The following DHTKD1 variants were observed in gnomAD, a reference collection of about 807,000 sequenced individuals.
DHTKD1 encodes dehydrogenase E1 and transketolase domain containing 1.
In DHTKD1, 78 loss-of-function variants were observed where a neutral mutation model predicts 101.8. The observed-to-expected ratio is 0.77, with a 90% CI of 0.64 to 0.93. DHTKD1 has a LOEUF of 0.93. DHTKD1 is among the 40% of genes least tolerant of loss of function. The probability of loss-of-function intolerance (pLI) is 0.00; values close to 1 mark genes in which losing one functional copy is unlikely to be tolerated. For synonymous variants in DHTKD1, 462 were observed against 450.3 expected, an observed-to-expected ratio of 1.03 and a Z score of -0.33; for missense variants, 1,223 against 1,161.7, an observed-to-expected ratio of 1.05 and a Z score of -0.77.
chr10:12,108,119 A>G, intron 12 of DHTKD1, 104 bp downstream of exon 12: 2 of 744,236 alleles, frequency 2.7e-6, no homozygotes, highest in Non-Finnish European at 2.2e-6. Context: ...AACACAGCTT[A>G]GTATTTGAGT....
chr10:12,089,343 A>C, intron 5 of DHTKD1, 88 bp downstream of exon 5: 1 of 1,257,518 alleles, frequency 8.0e-7, no homozygotes, highest in Non-Finnish European at 1.1e-6. Context: ...CATGGCAGAC[A>C]TTCATGATGA....
intron 6 of DHTKD1, among the ~76,000 whole-genome samples, 194 bp downstream of exon 6, chr10:12,091,878 C>T (rs1043967935): frequency 6.6e-6 from 1 of 151,954 alleles, no homozygotes; most frequent in Non-Finnish European, 1.5e-5. Flanking sequence ...GATCTTGGCT[C>T]ACTGCAACTT....
Position 12,112,928 on chromosome 10 carries a change from A to C in DHTKD1, c.2183A>C (p.Asp728Ala). ...QMCDSAEEGV[D>A]GDTVNMFVVH... is the part of the protein sequence containing the mutation. ...TGTGACAGTGCGGAAGAGGGGGTGG[A>C]CGGAGACACTGTGAACATGTTTGTG... Residue 728 changes from aspartate (D) to alanine (A), a missense_variant, in exon 13 of 17, where the codon GAC (aspartate) becomes GCC (alanine). Physicochemically the swap from Asp to Ala is moderately radical, Grantham distance 126. Coordinates refer to ENST00000263035, the MANE Select transcript of DHTKD1 (RefSeq NM_018706.7). 1 of 1,611,542 alleles carries C rather than the reference A, an allele frequency of 6.2e-7. No homozygotes were observed. The highest frequency in any genetic ancestry group is 8.5e-7 in the Non-Finnish European group (1 of 1,178,964).
At chr10:12,106,150 C>A in intron 10 of DHTKD1, 96 bp from the exon 11 acceptor site, 2 of 1,258,272 alleles carry the variant, frequency 1.6e-6, no homozygotes, top group South Asian at 1.3e-5. Flanking sequence ...GAGCAAGGCT[C>A]CCTCTCCGCA....
intron 5 of DHTKD1, among the ~76,000 whole-genome samples, chr10:12,089,958 A>G (rs985831856): frequency 1.4e-5 from 2 of 143,232 alleles, no homozygotes; most frequent in Non-Finnish European, 3.0e-5. Context: ...GGCATGAGCC[A>G]CTATACCTAG....
At chr10:12,109,165 A>T (rs905861646) in intron 12 of DHTKD1, among the ~76,000 whole-genome samples, 20 of 152,000 alleles carry the variant, frequency 1.3e-4, no homozygotes, top group East Asian at 1.9e-4. Flanking sequence ...AAATAAATAA[A>T]TAAATAATAA....
rs1833528986 is a variant in DHTKD1 at position 12,121,636 on chromosome 10, TGTA to T, written c.*751_*753del. On this transcript the variant is annotated 3_prime_UTR_variant, in exon 17 of 17. Coordinates refer to ENST00000263035, the MANE Select transcript of DHTKD1 (RefSeq NM_018706.7). ...TTAGTTGGGTGTGGTGGCATGCGCT[TGTA>T]GTCTCAGCTACTCCGGAGGCTGAGG... 6.6e-6 allele frequency: 1 copy of T among 152,286 alleles called. No individual in the cohort carries two copies. The highest frequency in any genetic ancestry group is 1.5e-5 in the Non-Finnish European group (1 of 68,136). The allele number at this position is 152,286 out of a possible 1,614,324, so 9.4% of individuals were successfully genotyped here. A position where few individuals can be genotyped will look rare whatever the true frequency, so the allele number is the denominator to read the frequency against.
At chr10:12,076,877 C>T (rs571018307) in intron 1 of DHTKD1, among the ~76,000 whole-genome samples, 1 of 150,250 alleles carries the variant, frequency 6.7e-6, no homozygotes, top group South Asian at 2.1e-4. Flanking sequence ...AAGATAGTCT[C>T]GATCTCCTGA....
chr10:12,119,518 A>AG (rs1354815932), intron 15 of DHTKD1, among the ~76,000 whole-genome samples: 4 of 147,126 alleles, frequency 2.7e-5, no homozygotes, highest in African/African-American at 1.0e-4. Context: ...TGGGAGGCTG[A>AG]CGCAGGAGAA....
In DHTKD1 at chr10:12,106,267, G is replaced by A; in HGVS notation, c.1918G>A (p.Glu640Lys). ...TTAGGTCAGCAACAGCCCACTGTCA[G>A]AAGAGGCCGTCCTGGGATTTGAATA... ...FLEVSNSPLS[E>K]EAVLGFEYGM... Residue 640 changes from glutamate to lysine, a missense_variant, in exon 11 of 17, where the codon GAA (glutamate) becomes AAA (lysine). Transcript: ENST00000263035. 1 of 1,614,170 alleles carries A rather than the reference G, an allele frequency of 6.2e-7. No individual in the cohort carries two copies. Among genetic ancestry groups the A allele is most frequent in the Non-Finnish European group, 8.5e-7 (1 of 1,180,026 alleles).
In DHTKD1 at chr10:12,118,429, C is replaced by T. The variant is rs1209863403; in HGVS notation, c.2403-320C>T. On this transcript the variant is annotated intron_variant, in intron 14 of 16. Transcript: ENST00000263035. ...GTTGAGTCTTGCTCTGTCGCCCAGG[C>T]TGGAGTGCAGTGGCACGATCTTGGC... is the stretch of plus-strand genomic sequence containing the variant. Among the ~76,000 whole-genome samples the T allele has an allele frequency of 2.0e-5, 3 of 148,054 alleles. No homozygotes were observed. The South Asian group carries it at 6.4e-4, about 31-fold the overall frequency.
intron 14 of DHTKD1, 120 bp from the exon 15 acceptor site, chr10:12,118,629 G>T (rs533455249): frequency 8.5e-6 from 5 of 590,028 alleles, no homozygotes; most frequent in African/African-American, 5.6e-5. Flanking sequence ...TGATCCGCCC[G>T]CCTTGGCCTC....
At chr10:12,099,687 G>GA (rs1170709960) in intron 8 of DHTKD1, among the ~76,000 whole-genome samples, 1 of 150,964 alleles carries the variant, frequency 6.6e-6, no homozygotes, top group Non-Finnish European at 1.5e-5. Flanking sequence ...GACTGCCTCA[G>GA]AAAAAAATAA....
At chr10:12,119,150 C>G (rs1056471499) in intron 15 of DHTKD1, among the ~76,000 whole-genome samples, 2 of 148,566 alleles carry the variant, frequency 1.3e-5, no homozygotes, top group Admixed American at 6.7e-5. Context: ...ACTAAAAGTA[C>G]AAAAAATTAG....
intron 1 of DHTKD1, among the ~76,000 whole-genome samples, chr10:12,072,461 CAATAAATAAATAAATA>C (rs71382613): frequency 0.011 from 1,633 of 148,476 alleles, 36 homozygotes; most frequent in African/African-American, 0.038. Flanking sequence ...GACTCTGTCT[CAATAAATAAATAAATA>C]AATAAATAAA....
intron 12 of DHTKD1, among the ~76,000 whole-genome samples, chr10:12,112,543 C>T (rs577394100): frequency 1.3e-5 from 2 of 151,854 alleles, no homozygotes; most frequent in Admixed American, 1.3e-4. Context: ...CGTTTTATTA[C>T]ATTAGGAAAG....
chr10:12,100,240 C>T lies in DHTKD1; in HGVS notation c.1734C>T (p.Ala578=), dbSNP rs746290035. 1 of 1,549,436 alleles carries T rather than the reference C, an allele frequency of 6.5e-7. No individual in the cohort carries two copies. Among genetic ancestry groups the T allele is most frequent in the Admixed American group, 1.9e-5 (1 of 53,494 alleles). ...KLDWATAEAL[A]LGSLLAQGFN... ...ACTGGGCCACCGCGGAAGCTCTTGC[C>T]TTGGGTTCTTTACTTGCTCAAGGTA... The change falls in exon 9 of 17, where the codon GCC becomes GCT. Residue 578 remains alanine (A), a synonymous_variant. Coordinates refer to ENST00000263035, the MANE Select transcript of DHTKD1 (RefSeq NM_018706.7).
chr10:12,091,003 G>A lies in DHTKD1; in HGVS notation c.988-510G>A, dbSNP rs931325051. On this transcript the variant is annotated intron_variant, in intron 5 of 16. Transcript: ENST00000263035. The stretch of plus-strand genomic sequence containing the variant: ...CCGGAGGCGGAGCTTGCAGTGAGCC[G>A]AGATTGCGCCACCGCACTCCCGCCT... Among the ~76,000 whole-genome samples, 7 of 152,050 alleles carry A rather than the reference G, an allele frequency of 4.6e-5. No individual in the cohort carries two copies. The East Asian group carries it at 9.7e-4, about 21-fold the overall frequency.
At chr10:12,100,984 A>C in intron 9 of DHTKD1, 58 bp from the exon 10 acceptor site, 1 of 1,578,768 alleles carries the variant, frequency 6.3e-7, no homozygotes, top group South Asian at 1.1e-5. Flanking sequence ...TACAGTCACC[A>C]CACCTTATTA....
Sources: gnomAD v4.1 joint callset for allele counts (sites outside exome capture counted in the v4.1 genomes callset) on GRCh38, gnomAD v4.1.1 for gene constraint, MANE v1.5 for transcripts, NCBI Gene and HGNC (gene_info 2026-07-23, HGNC 2026-07-21) for gene names.